NLRP13: variants seen among roughly 807,000 people sequenced by gnomAD.
NLRP13 encodes NLR family pyrin domain containing 13, also known as NACHT, LRR and PYD domains-containing protein 13.
NLRP13 carries 82 observed loss-of-function variants against 94.4 expected under a neutral mutation model. That is an observed-to-expected ratio of 0.87 (90% CI 0.73 to 1.04). The LOEUF (loss-of-function observed/expected upper bound fraction) is 1.04, where lower values mean the gene tolerates loss of function less well. NLRP13 is among the 50% of genes least tolerant of loss of function. NLRP13 has a pLI of 0.00. For missense variants in NLRP13, 1,426 were observed against 1,230.8 expected, an observed-to-expected ratio of 1.16 and a Z score of -2.37; for synonymous variants, 553 against 464.7, an observed-to-expected ratio of 1.19 and a Z score of -2.45.
intron 7 of NLRP13, among the ~76,000 whole-genome samples, chr19:55,906,921 A>G (rs1219247932): frequency 2.0e-5 from 3 of 151,800 alleles, no homozygotes; most frequent in African/African-American, 7.3e-5. Context: ...TCCCACCCCA[A>G]ATGTGCAGGA....
intron 8 of NLRP13, among the ~76,000 whole-genome samples, chr19:55,902,827 CTATA>C (rs10611898): frequency 0.055 from 8,270 of 150,102 alleles, 272 homozygotes; most frequent in African/African-American, 0.083. Flanking sequence ...TAAATATTAA[CTATA>C]TATTACATAC....
At chr19:55,900,611 A>AATAC (rs1301715899) in intron 9 of NLRP13, among the ~76,000 whole-genome samples, 1 of 151,274 alleles carries the variant, frequency 6.6e-6, no homozygotes, top group Non-Finnish European at 1.5e-5. Context: ...CTGTACTAAA[A>AATAC]AAAAAATACA....
intron 7 of NLRP13, among the ~76,000 whole-genome samples, chr19:55,906,763 T>A (rs1272671473): frequency 6.8e-6 from 1 of 147,908 alleles, no homozygotes; most frequent in Non-Finnish European, 1.5e-5. Flanking sequence ...GACCCCCCCC[T>A]GCTCCATGAA....
intron 6 of NLRP13, 29 bp from the exon 7 acceptor site, chr19:55,907,985 G>C: frequency 3.8e-6 from 6 of 1,573,184 alleles, no homozygotes; most frequent in Non-Finnish European, 5.2e-6. Context: ...ATGAAAGCTG[G>C]ATTGGGGGAG....
rs114160305 is a variant in NLRP13, at chr19:55,923,651, G to T, written c.523+263C>A. Among the ~76,000 whole-genome samples, 357 of 152,232 alleles carry T rather than the reference G, an allele frequency of 2.3e-3. 1 individual carries two copies. Among genetic ancestry groups the T allele is most frequent in the African/African-American group, 8.1e-3 (337 of 41,542 alleles). ...ATAGCACCCTCCTCAGTATCTGTGG[G>T]CAGCCCAGTCCCCTAGCCTGCTCTT... On this transcript the variant is annotated intron_variant, in intron 4 of 10. Transcript: ENST00000342929.
intron 4 of NLRP13, among the ~76,000 whole-genome samples, chr19:55,922,274 T>C (rs1189564410): frequency 2.0e-5 from 3 of 152,018 alleles, no homozygotes; most frequent in Non-Finnish European, 4.4e-5. Flanking sequence ...AGCCAAACCG[T>C]ATCATTTGGC....
At chr19:55,928,733 T>C (rs1987030416) in intron 1 of NLRP13, among the ~76,000 whole-genome samples, 1 of 152,140 alleles carries the variant, frequency 6.6e-6, no homozygotes, top group African/African-American at 2.4e-5. Flanking sequence ...TCTGATATCC[T>C]TTCTTCATGA....
Position 55,912,879 on chromosome 19 carries a change from A to T in NLRP13, c.938T>A (p.Phe313Tyr). The change falls in exon 5 of 11, where the codon TTT becomes TAT. Residue 313 changes from phenylalanine to tyrosine, a missense_variant. Phe to Tyr is a conservative substitution (Grantham distance 22, BLOSUM62 3). Coordinates refer to ENST00000342929, the MANE Select transcript of NLRP13 (RefSeq NM_176810.2). ...TGACTCAGATATGATTATTTCCTCA[A>T]AGCCATCAATAATAAACAGGAGCTT... ...PEKLLFIIDGFEEIIISESRS... is the reference protein window; with the variant it reads ...PEKLLFIIDGYEEIIISESRS... 1 of 1,614,168 alleles carries T rather than the reference A, an allele frequency of 6.2e-7. No homozygotes were observed. Among genetic ancestry groups the T allele is most frequent in the Non-Finnish European group, 8.5e-7 (1 of 1,180,024 alleles).
At chr19:55,897,379 G>A (rs1316252160) in intron 10 of NLRP13, among the ~76,000 whole-genome samples, 3 of 152,118 alleles carry the variant, frequency 2.0e-5, no homozygotes, top group Non-Finnish European at 4.4e-5. Flanking sequence ...AAACAGATGG[G>A]TGTGGTAGCG....
Position 55,898,859 on chromosome 19 carries a change from G to T in NLRP13, c.2868C>A (p.Ile956=), listed in dbSNP as rs1004415358. 13 of 1,613,842 alleles carry T rather than the reference G, an allele frequency of 8.1e-6. No homozygotes were observed. In the Admixed American group the frequency reaches 1.7e-4, roughly 21 times the overall value. ...GAAGATCATTTTCTCCCAAATCCAA[G>T]ATTTTCACATTATGATTATGGCTGA... is the stretch of plus-strand genomic sequence containing the variant. ...NALSHNHNVK[I]LDLGENDLQD... is the part of the protein sequence containing the mutation. The change falls in exon 10 of 11, where the codon ATC becomes ATA. Residue 956 remains isoleucine, a synonymous_variant. Coordinates refer to ENST00000342929, the MANE Select transcript of NLRP13 (RefSeq NM_176810.2).
chr19:55,924,675 C>T lies in NLRP13; in HGVS notation c.389-17G>A, dbSNP rs527892286. 35 of 1,607,212 alleles carry T rather than the reference C, an allele frequency of 2.2e-5. No individual in the cohort carries two copies. The highest frequency in any genetic ancestry group is 1.3e-4 in the East Asian group (6 of 44,794). ...GCATATTCCCTGAAATAAACATTGA[C>T]GATGAGATATGAAAATACCCCAGAG... On this transcript the variant is annotated splice_polypyrimidine_tract_variant and intron_variant, in intron 2 of 10. Coordinates refer to ENST00000342929, the MANE Select transcript of NLRP13 (RefSeq NM_176810.2).
At position 55,900,167 on chromosome 19, in the gene NLRP13, C is replaced by A. The variant is rs183393191; in HGVS notation, c.2790-1230G>T. 6.0e-4 allele frequency among the ~76,000 whole-genome samples: 91 copies of A among 151,644 alleles called. No homozygotes were observed. The East Asian group carries it at 8.3e-3, about 14-fold the overall frequency. ...AAAACATATACAGATGGTAAATTTACAATAAAACGATTAAAGTTTTAAAAA... is the reference window on the plus strand; with the variant it reads ...AAAACATATACAGATGGTAAATTTAAAATAAAACGATTAAAGTTTTAAAAA... On this transcript the variant is annotated intron_variant, in intron 9 of 10. Coordinates refer to ENST00000342929, the MANE Select transcript of NLRP13 (RefSeq NM_176810.2).
At chr19:55,918,319 C>T (rs1048225563) in intron 4 of NLRP13, among the ~76,000 whole-genome samples, 2 of 147,476 alleles carry the variant, frequency 1.4e-5, no homozygotes, top group Non-Finnish European at 3.0e-5. Context: ...AATTAACAAC[C>T]TAACAATGCA....
chr19:55,927,568 G>A (rs1457275573), intron 1 of NLRP13, among the ~76,000 whole-genome samples: 1 of 151,996 alleles, frequency 6.6e-6, no homozygotes, highest in Non-Finnish European at 1.5e-5. Flanking sequence ...GGTAGAGGGT[G>A]TGTGTGTAGT....
chr19:55,896,729 G>C (rs1039931637), intron 10 of NLRP13, among the ~76,000 whole-genome samples: 1 of 145,106 alleles, frequency 6.9e-6, no homozygotes, highest in African/African-American at 2.5e-5. Context: ...CTGAGGCAGG[G>C]AATTGCTTGA....
downstream of NLRP13, among the ~76,000 whole-genome samples, chr19:55,893,055 A>T (rs562478323): frequency 6.6e-6 from 1 of 152,316 alleles, no homozygotes; most frequent in Admixed American, 6.5e-5. Flanking sequence ...TATAAAGCAT[A>T]ATAAAGGTTT....
Position 55,904,979 on chromosome 19 carries a change from C to T in NLRP13, c.2581G>A (p.Ala861Thr), listed in dbSNP as rs1986294072. 8 of 1,613,848 alleles carry T rather than the reference C, an allele frequency of 5.0e-6. No individual in the cohort carries two copies. Among genetic ancestry groups the T allele is most frequent in the Non-Finnish European group, 6.8e-6 (8 of 1,179,972 alleles). ...AAGGCACACTTGGGGTGAGTCAGGG[C>T]CGCACACAATAGCTTTATGCCATCA... ...QDDGIKLLCA[A>T]LTHPKCALER... Residue 861 changes from alanine to threonine, a missense_variant, in exon 8 of 11, where the codon GCC becomes ACC. By Grantham distance (58) the Ala-to-Thr change is moderately conservative. Transcript: ENST00000342929.
intron 7 of NLRP13, among the ~76,000 whole-genome samples, chr19:55,906,108 C>T (rs111939874): frequency 5.3e-5 from 8 of 151,980 alleles, no homozygotes; most frequent in Admixed American, 2.0e-4. Flanking sequence ...GAGGCCAAGG[C>T]GAGTGGATCA....
At chr19:55,918,629 T>A (rs576629941) in intron 4 of NLRP13, among the ~76,000 whole-genome samples, 32 of 151,852 alleles carry the variant, frequency 2.1e-4, no homozygotes, top group African/African-American at 7.7e-4. Flanking sequence ...CAAGAAGAAA[T>A]AGATAAATTT....
Sources: gnomAD v4.1 joint callset for allele counts (sites outside exome capture counted in the v4.1 genomes callset) on GRCh38, gnomAD v4.1.1 for gene constraint, MANE v1.5 for transcripts, NCBI Gene and HGNC (gene_info 2026-07-23, HGNC 2026-07-21) for gene names.